FGD5: variants seen among roughly 807,000 people sequenced by gnomAD.
FGD5 encodes FYVE, RhoGEF and PH domain containing 5, also known as FYVE, RhoGEF and PH domain-containing protein 5.
Under a neutral mutation model 133.4 loss-of-function variants are expected in FGD5, and 28 were observed. That is an observed-to-expected ratio of 0.21 (90% CI 0.16 to 0.29). The LOEUF is 0.29. Ranked by LOEUF, FGD5 falls within the 10% of genes least tolerant of loss-of-function variation. The pLI, the probability that FGD5 is intolerant of heterozygous loss-of-function variation, is 1.00. For missense variants in FGD5, 1,858 were observed against 1,895.2 expected, an observed-to-expected ratio of 0.98 and a Z score of 0.36; for synonymous variants, 810 against 776.5, an observed-to-expected ratio of 1.04 and a Z score of -0.72.
At chr3:14,911,619 G>A (rs1394173562) in intron 11 of FGD5, among the ~76,000 whole-genome samples, 1 of 152,018 alleles carries the variant, frequency 6.6e-6, no homozygotes, top group African/African-American at 2.4e-5. Flanking sequence ...AAGAGTCTAC[G>A]AGCTCTCTCT....
At position 14,897,926 on chromosome 3, in the gene FGD5, T is replaced by C; in HGVS notation, c.2910-13T>C. On this transcript the variant is annotated splice_polypyrimidine_tract_variant and intron_variant, in intron 5 of 19. Coordinates refer to ENST00000285046, the MANE Select transcript of FGD5 (RefSeq NM_152536.4). Reference sequence around the variant, plus strand: ...CTGAGTTCTCACTGTCCCATCCCCATTCCTGGCTGCAGGGAGAGCCAGCAG... The same window carrying C: ...CTGAGTTCTCACTGTCCCATCCCCACTCCTGGCTGCAGGGAGAGCCAGCAG... 1 of 1,613,934 alleles carries C rather than the reference T, an allele frequency of 6.2e-7. No individual in the cohort carries two copies. The highest frequency in any genetic ancestry group is 8.5e-7 in the Non-Finnish European group (1 of 1,179,850).
At chr3:14,854,262 C>T (rs2037227386) in intron 1 of FGD5, among the ~76,000 whole-genome samples, 1 of 152,162 alleles carries the variant, frequency 6.6e-6, no homozygotes, top group South Asian at 2.1e-4. Flanking sequence ...GAATGTGACT[C>T]TCCAGGTAAA....
intron 1 of FGD5, among the ~76,000 whole-genome samples, chr3:14,849,486 C>G (rs2037118367): frequency 6.6e-6 from 1 of 152,110 alleles, no homozygotes; most frequent in Non-Finnish European, 1.5e-5. Flanking sequence ...CAGAGTGGAC[C>G]TTGGGCAAGT....
Position 14,821,343 on chromosome 3 carries a change from C to G in FGD5, c.2272C>G (p.Leu758Val), listed in dbSNP as rs1265081311. 1 of 1,614,038 alleles carries G rather than the reference C, an allele frequency of 6.2e-7. No homozygotes were observed. Among genetic ancestry groups the G allele is most frequent in the African/African-American group, 1.3e-5 (1 of 75,068 alleles). ...RSRPPFLPLPLTKPRSISFPS... is the reference protein window; with the variant it reads ...RSRPPFLPLPVTKPRSISFPS... Reference sequence around the variant, plus strand: ...CCGGCCGCCCTTCCTGCCCTTGCCACTGACCAAGCCACGGTCCATCTCCTT... The same window carrying G: ...CCGGCCGCCCTTCCTGCCCTTGCCAGTGACCAAGCCACGGTCCATCTCCTT... The change falls in exon 1 of 20, where the codon CTG becomes GTG. Residue 758 changes from leucine (L) to valine (V), a missense_variant. Physicochemically the swap from Leu to Val is conservative, Grantham distance 32. Around this residue, in one of 3 missense-constraint regions of FGD5, gnomAD observed 1,824 missense variants for 1,848.9 expected, o/e 0.99. Coordinates refer to ENST00000285046, the MANE Select transcript of FGD5 (RefSeq NM_152536.4).
chr3:14,864,061 C>A, intron 1 of FGD5, 67 bp from the exon 2 acceptor site: 1 of 1,574,910 alleles, frequency 6.3e-7, no homozygotes, highest in Non-Finnish European at 8.7e-7. Context: ...AATGGGACCC[C>A]TGGTAGGTTC....
intron 1 of FGD5, among the ~76,000 whole-genome samples, chr3:14,835,875 G>A (rs770670736): frequency 2.0e-5 from 3 of 152,172 alleles, no homozygotes; most frequent in Non-Finnish European, 2.9e-5. Flanking sequence ...GGTTCTCAGC[G>A]AAGGTTCTTG....
At chr3:14,817,260 A>G (rs983628690), upstream of FGD5, among the ~76,000 whole-genome samples, 1 of 151,918 alleles carries the variant, frequency 6.6e-6, no homozygotes, top group African/African-American at 2.4e-5. Flanking sequence ...CAGTGGCTCA[A>G]TCTTGGCTTA....
Position 14,918,264 on chromosome 3 carries a change from G to T in FGD5, c.3490-490G>T, listed in dbSNP as rs73031905. ...AACACTGAGGTGGGACAGTGGAGCC[G>T]CAGGCGGTTGTCATTGTCAAGGGCA... is the stretch of plus-strand genomic sequence containing the variant. On this transcript the variant is annotated intron_variant, in intron 12 of 19. Coordinates refer to ENST00000285046, the MANE Select transcript of FGD5 (RefSeq NM_152536.4). 3.3e-5 allele frequency among the ~76,000 whole-genome samples: 5 copies of T among 152,356 alleles called. No homozygotes were observed. The South Asian group carries it at 1.0e-3, about 32-fold the overall frequency.
intron 9 of FGD5, among the ~76,000 whole-genome samples, chr3:14,902,435 AGCCACCT>A (rs1430525870): frequency 6.6e-6 from 1 of 152,044 alleles, no homozygotes; most frequent in African/African-American, 2.4e-5. Context: ...GAGTTCAGAG[AGCCACCT>A]GCTAGGTGGC....
upstream of FGD5, among the ~76,000 whole-genome samples, chr3:14,815,470 C>T (rs1190514837): frequency 6.6e-6 from 1 of 152,114 alleles, no homozygotes; most frequent in Non-Finnish European, 1.5e-5. Context: ...ATACAAGGTC[C>T]CTGAGTCTGG....
chr3:14,909,267 G>A (rs992391079), intron 10 of FGD5, among the ~76,000 whole-genome samples: 2 of 152,050 alleles, frequency 1.3e-5, no homozygotes, highest in Admixed American at 6.6e-5. Context: ...TGTGCCCAGC[G>A]GGAATTTATT....
intron 6 of FGD5, among the ~76,000 whole-genome samples, chr3:14,898,440 T>C (rs2038176343): frequency 6.6e-6 from 1 of 152,114 alleles, no homozygotes; most frequent in Non-Finnish European, 1.5e-5. Flanking sequence ...CTAGTTTTCC[T>C]GGGCAGAAAA....
At chr3:14,874,362 T>TA (rs540932630) in intron 2 of FGD5, among the ~76,000 whole-genome samples, 17 of 151,764 alleles carry the variant, frequency 1.1e-4, no homozygotes, top group East Asian at 1.9e-4. Context: ...CTACAAAAAA[T>TA]AAAAAAATTA....
chr3:14,880,832 G>A, intron 4 of FGD5, 60 bp downstream of exon 4: 3 of 1,588,982 alleles, frequency 1.9e-6, no homozygotes, highest in South Asian at 1.1e-5. Context: ...TGTGATATAA[G>A]AGGCAGGAAA....
At chr3:14,928,719 T>C (rs1575267314) in intron 18 of FGD5, among the ~76,000 whole-genome samples, 1 of 152,314 alleles carries the variant, frequency 6.6e-6, no homozygotes, top group African/African-American at 2.4e-5. Context: ...CACTCCAGCC[T>C]GGGCAACAGA....
intron 1 of FGD5, among the ~76,000 whole-genome samples, chr3:14,830,897 T>TG (rs1288769187): frequency 6.6e-6 from 1 of 152,168 alleles, no homozygotes; most frequent in African/African-American, 2.4e-5. Context: ...CTCCTTGTGC[T>TG]GGGGAGAGGC....
rs563874625 is a variant in FGD5, at chr3:14,847,004, A to G, written c.2526-17124A>G. Among the ~76,000 whole-genome samples the G allele has an allele frequency of 3.3e-5, 5 of 152,276 alleles. No individual in the cohort carries two copies. The South Asian group carries it at 1.0e-3, about 32-fold the overall frequency. ...TCCCCCTCCATCCCTCTGTTTTGTG[A>G]TATGGGAATGATAATAGCCTGCTGG... On this transcript the variant is annotated intron_variant, in intron 1 of 19. Coordinates refer to ENST00000285046, the MANE Select transcript of FGD5 (RefSeq NM_152536.4).
At chr3:14,817,594 T>G (rs1245117691), upstream of FGD5, among the ~76,000 whole-genome samples, 1 of 152,158 alleles carries the variant, frequency 6.6e-6, no homozygotes, top group East Asian at 1.9e-4. Flanking sequence ...GATTAGAGAT[T>G]AGTAATGTTA....
chr3:14,860,708 A>G (rs2037381265), intron 1 of FGD5, among the ~76,000 whole-genome samples: 1 of 152,186 alleles, frequency 6.6e-6, no homozygotes, highest in East Asian at 1.9e-4. Context: ...GTGTGGTGGC[A>G]TATACCTATA....
Sources: allele counts gnomAD v4.1 joint callset (sites outside exome capture counted in the v4.1 genomes callset), GRCh38; gene constraint gnomAD v4.1.1; regional missense constraint gnomAD v4.1.1; transcripts MANE v1.5; gene names NCBI Gene and HGNC (gene_info 2026-07-23, HGNC 2026-07-21).